PLEKHA5: variants seen among roughly 807,000 people sequenced by gnomAD.
The protein encoded by PLEKHA5 is pleckstrin homology domain containing A5, also known as pleckstrin homology domain-containing family A member 5.
Under a neutral mutation model 181.9 loss-of-function variants are expected in PLEKHA5, and 55 were observed. The observed-to-expected ratio is 0.30, with a 90% confidence interval of 0.24 to 0.38. The LOEUF is 0.38. PLEKHA5 is among the 10% of genes least tolerant of loss of function. The probability of loss-of-function intolerance (pLI) is 1.00; values close to 1 mark genes in which losing one functional copy is unlikely to be tolerated. For synonymous variants in PLEKHA5, 535 were observed against 529.4 expected (o/e 1.01, Z -0.15); for missense variants, 1,432 against 1,549.5 (o/e 0.92, Z 1.27).
At chr12:19,326,307 G>A (rs75128038) in intron 20 of PLEKHA5, among the ~76,000 whole-genome samples, 525 of 152,272 alleles carry the variant, frequency 3.4e-3, no homozygotes, top group African/African-American at 0.012. Context: ...TGGGCATATG[G>A]TTGGCACTCA....
At chr12:19,195,487 G>A (rs1194537670) in intron 3 of PLEKHA5, among the ~76,000 whole-genome samples, 1 of 151,792 alleles carries the variant, frequency 6.6e-6, no homozygotes, top group Non-Finnish European at 1.5e-5. Flanking sequence ...GGGCAACATG[G>A]TGAAACCCTG....
intron 10 of PLEKHA5, among the ~76,000 whole-genome samples, chr12:19,271,366 G>A (rs748908141): frequency 8.5e-5 from 13 of 152,050 alleles, no homozygotes; most frequent in Non-Finnish European, 1.6e-4. Context: ...TTAGCTGGGC[G>A]TAGTACCACA....
chr12:19,340,417 C>T (rs1166254817), intron 21 of PLEKHA5, among the ~76,000 whole-genome samples: 35 of 135,244 alleles, frequency 2.6e-4, no homozygotes, highest in Middle Eastern at 3.8e-3. Context: ...AGGTGAGGGG[C>T]GCCTCTGCCC....
chr12:19,350,327 T>G (rs2153219442), intron 25 of PLEKHA5, among the ~76,000 whole-genome samples: 1 of 152,346 alleles, frequency 6.6e-6, no homozygotes, highest in Non-Finnish European at 1.5e-5. Flanking sequence ...TTTTAAAGGA[T>G]TCGCCAGAAA....
At chr12:19,273,340 C>T (rs938785834) in intron 10 of PLEKHA5, among the ~76,000 whole-genome samples, 2 of 152,002 alleles carry the variant, frequency 1.3e-5, no homozygotes, top group African/African-American at 4.8e-5. Context: ...TAACTTTACT[C>T]CAAGAAAAAT....
At chr12:19,216,011 C>G (rs543432995) in intron 3 of PLEKHA5, among the ~76,000 whole-genome samples, 1 of 152,016 alleles carries the variant, frequency 6.6e-6, no homozygotes, top group Non-Finnish European at 1.5e-5. Flanking sequence ...TCACAAAATA[C>G]CGACTTGCTA....
At chr12:19,374,257 G>A (rs1478854372) in intron 31 of PLEKHA5, among the ~76,000 whole-genome samples, 1 of 148,252 alleles carries the variant, frequency 6.7e-6, no homozygotes, top group East Asian at 2.0e-4. Context: ...TTTTTTTGCA[G>A]TTGCAAGATT....
chr12:19,275,355 A>G (rs1223321848), intron 11 of PLEKHA5, among the ~76,000 whole-genome samples: 1 of 152,126 alleles, frequency 6.6e-6, no homozygotes, highest in Non-Finnish European at 1.5e-5. Context: ...CAGTTTCTGC[A>G]GGTTGGTACA....
At chr12:19,359,216 G>GT (rs1555172209) in intron 27 of PLEKHA5, among the ~76,000 whole-genome samples, 196 bp from the exon 28 acceptor site, 6 of 151,982 alleles carry the variant, frequency 3.9e-5, no homozygotes, top group African/African-American at 9.6e-5. Flanking sequence ...AAAATGAATG[G>GT]TTTTTTTTAA....
At chr12:19,226,584 ACT>A (rs1395965337) in intron 3 of PLEKHA5, among the ~76,000 whole-genome samples, 3 of 152,022 alleles carry the variant, frequency 2.0e-5, no homozygotes, top group Non-Finnish European at 2.9e-5. Flanking sequence ...TCCTGAACTG[ACT>A]CTTGGACTTC....
intron 3 of PLEKHA5, among the ~76,000 whole-genome samples, chr12:19,240,614 ATATTATTATTATTAAT>A (rs1372369641): frequency 1.5e-4 from 23 of 149,516 alleles, no homozygotes; most frequent in South Asian, 8.4e-4. Flanking sequence ...CTAAGTTTTA[ATATTATTATTATTAAT>A]TATTATTATT....
intron 26 of PLEKHA5, among the ~76,000 whole-genome samples, chr12:19,355,586 A>C (rs946923989): frequency 1.3e-5 from 2 of 151,860 alleles, no homozygotes; most frequent in Admixed American, 1.3e-4. Context: ...TGTTCTTCAA[A>C]GATATTAAAG....
At chr12:19,149,503 CAAAAAAAAAA>C (rs1187986216) in intron 3 of PLEKHA5, 1 of 45,606 alleles carries the variant, frequency 2.2e-5, no homozygotes, top group African/African-American at 8.0e-5. Flanking sequence ...GACTCCATCT[CAAAAAAAAAA>C]AAAAAAAAAA....
Position 19,376,072 on chromosome 12 carries a change from C to G in PLEKHA5, c.*553C>G, listed in dbSNP as rs574352617. 4.6e-5 allele frequency: 7 copies of G among 151,306 alleles called. No homozygotes were observed. In the South Asian group the frequency reaches 1.5e-3, roughly 32 times the overall value. 9.4% of individuals were successfully genotyped at this position (151,306 alleles called of 1,614,324 possible). A position where few individuals can be genotyped will look rare whatever the true frequency, so the allele number is the denominator to read the frequency against. On this transcript the variant is annotated 3_prime_UTR_variant, in exon 32 of 32. Coordinates refer to ENST00000429027, the MANE Select transcript of PLEKHA5 (RefSeq NM_001256470.2). ...CCTGTTTTCTGCTATAATTCTTTCT[C>G]GGTCAGATTGCAATGTCAGCAGTTA...
intron 3 of PLEKHA5, among the ~76,000 whole-genome samples, chr12:19,248,386 C>T (rs1160234400): frequency 6.6e-6 from 1 of 152,080 alleles, no homozygotes; most frequent in African/African-American, 2.4e-5. Flanking sequence ...TTAGTAGAGA[C>T]AGGGTTTCGC....
rs1333021118 is a variant in PLEKHA5 at position 19,291,605 on chromosome 12, T to A, written c.1984-39T>A. On this transcript the variant is annotated intron_variant, in intron 14 of 31. Transcript: ENST00000429027. ...TGACCTTTTCTTGAATTCCACATCC[T>A]CTTTCTCTGTCCCTTTTTTCTTAAT... The A allele has an allele frequency of 3.2e-6, 4 of 1,259,086 alleles. No individual in the cohort carries two copies. In the South Asian group the frequency reaches 5.4e-5, roughly 17 times the overall value. The allele number at this position is 1,259,086 out of a possible 1,614,324, so 78.0% of individuals were successfully genotyped here.
At chr12:19,325,852 A>G (rs1273302540) in intron 20 of PLEKHA5, among the ~76,000 whole-genome samples, 1 of 145,526 alleles carries the variant, frequency 6.9e-6, no homozygotes, top group Non-Finnish European at 1.5e-5. Context: ...TACTAAAAAT[A>G]CAAAATTAGC....
chr12:19,235,279 C>T (rs908577113), intron 3 of PLEKHA5, among the ~76,000 whole-genome samples: 3 of 152,100 alleles, frequency 2.0e-5, no homozygotes, highest in African/African-American at 7.2e-5. Flanking sequence ...TGTTTTAGCA[C>T]CAGTTATGTT....
intron 7 of PLEKHA5, 128 bp downstream of exon 7, chr12:19,261,149 G>A: frequency 2.0e-6 from 1 of 511,056 alleles, no homozygotes; most frequent in East Asian, 3.0e-5. Context: ...GTATCAAACA[G>A]ATTTTTTCTC....
Sources: allele counts gnomAD v4.1 joint callset (sites outside exome capture counted in the v4.1 genomes callset), GRCh38; gene constraint gnomAD v4.1.1; transcripts MANE v1.5; gene names NCBI Gene and HGNC (gene_info 2026-07-23, HGNC 2026-07-21).